The following GRIK4 variants were observed in gnomAD, a reference collection of about 807,000 sequenced individuals.
GRIK4 encodes the protein glutamate receptor ionotropic, kainate 4.
Under a neutral mutation model 104.9 loss-of-function variants are expected in GRIK4, and 40 were observed. The ratio of observed to expected loss-of-function variants is 0.38; its 90% confidence interval spans 0.30 to 0.50. The LOEUF (loss-of-function observed/expected upper bound fraction) is 0.50. Among genes scored for constraint, GRIK4 ranks in the 20% least tolerant of loss-of-function variants. The pLI is 0.93. For missense variants in GRIK4, 1,047 were observed against 1,308.1 expected (o/e 0.80, Z 3.08); for synonymous variants, 485 against 524.9 (o/e 0.92, Z 1.04).
intron 3 of GRIK4, among the ~76,000 whole-genome samples, chr11:120,792,523 G>C (rs527364064): frequency 6.6e-6 from 1 of 152,156 alleles, no homozygotes; most frequent in South Asian, 2.1e-4. Context: ...CCAGATAAGA[G>C]TTAAGAGGTT....
At chr11:120,536,440 C>T (rs1168919140) in intron 1 of GRIK4, among the ~76,000 whole-genome samples, 1 of 152,212 alleles carries the variant, frequency 6.6e-6, no homozygotes, top group Non-Finnish European at 1.5e-5. Context: ...AGCTGTACAT[C>T]GCCCTGGGCT....
chr11:120,623,895 G>T (rs1036153433), intron 1 of GRIK4, among the ~76,000 whole-genome samples: 3 of 151,986 alleles, frequency 2.0e-5, no homozygotes, highest in African/African-American at 7.3e-5. Flanking sequence ...GCCCTCCGTG[G>T]CACCCTGCTT....
At chr11:120,815,868 A>G (rs968084411) in intron 5 of GRIK4, among the ~76,000 whole-genome samples, 5 of 152,198 alleles carry the variant, frequency 3.3e-5, no homozygotes, top group Non-Finnish European at 7.3e-5. Flanking sequence ...ATCTGTTTAC[A>G]TATCGGGATT....
intron 1 of GRIK4, among the ~76,000 whole-genome samples, chr11:120,565,497 G>A (rs772368436): frequency 6.6e-6 from 1 of 152,214 alleles, no homozygotes; most frequent in African/African-American, 2.4e-5. Context: ...TGACAGCCGT[G>A]TGTGTAGTGC....
intron 1 of GRIK4, among the ~76,000 whole-genome samples, chr11:120,623,325 G>A (rs4631889): frequency 0.31 from 47,360 of 151,766 alleles, 8,204 homozygotes; most frequent in Non-Finnish European, 0.4. Flanking sequence ...AGAGTATGGG[G>A]TCTTGTTATG....
At chr11:120,660,118 A>G (rs1351155967) in intron 2 of GRIK4, among the ~76,000 whole-genome samples, 151 bp from the exon 3 acceptor site, 1 of 152,210 alleles carries the variant, frequency 6.6e-6, no homozygotes, top group Non-Finnish European at 1.5e-5. Flanking sequence ...TCGGTCACAG[A>G]GCTGAAGTTA....
chr11:120,743,530 G>A (rs954472017), intron 3 of GRIK4, among the ~76,000 whole-genome samples: 7 of 152,172 alleles, frequency 4.6e-5, no homozygotes, highest in Non-Finnish European at 1.0e-4. Flanking sequence ...TGTTATGTGA[G>A]TTTACTTATG....
chr11:120,520,484 G>A (rs1055661514), intron 1 of GRIK4, among the ~76,000 whole-genome samples: 27 of 152,322 alleles, frequency 1.8e-4, no homozygotes, highest in Admixed American at 5.2e-4. Flanking sequence ...GGAAGGGCCC[G>A]GTGTGGAGGC....
intron 9 of GRIK4, among the ~76,000 whole-genome samples, chr11:120,864,195 GTATTTT>G (rs1295424169): frequency 1.3e-5 from 2 of 149,194 alleles, no homozygotes; most frequent in Admixed American, 1.4e-4. Flanking sequence ...TCTCATTCCA[GTATTTT>G]TATTTTTATT....
chr11:120,589,451 A>AT (rs371260383), intron 1 of GRIK4, among the ~76,000 whole-genome samples: 8 of 152,290 alleles, frequency 5.3e-5, no homozygotes, highest in African/African-American at 1.7e-4. Flanking sequence ...TTGACTGAAG[A>AT]TAAAGCTTGG....
chr11:120,715,379 TG>T (rs1258884005), intron 3 of GRIK4, among the ~76,000 whole-genome samples: 2 of 152,146 alleles, frequency 1.3e-5, no homozygotes, highest in Non-Finnish European at 2.9e-5. Flanking sequence ...CGGAAAGCGG[TG>T]GGTCGTGTCT....
chr11:120,723,572 A>G (rs1950970296), intron 3 of GRIK4, among the ~76,000 whole-genome samples: 2 of 152,322 alleles, frequency 1.3e-5, no homozygotes, highest in South Asian at 4.1e-4. Flanking sequence ...GGTCACACAG[A>G]TGTACCCAGA....
rs565301465 is a variant in GRIK4, at chr11:120,746,401, C to T, written c.83-56292C>T. 9.9e-5 allele frequency among the ~76,000 whole-genome samples: 15 copies of T among 152,188 alleles called. No homozygotes were observed. In the South Asian group the frequency reaches 1.9e-3, roughly 19 times the overall value. On this transcript the variant is annotated intron_variant, in intron 3 of 20. Transcript: ENST00000527524. ...AGCAGCTCTGCTGATTTTTTAGATA[C>T]GGTGTGGGACAGGTAGGTGCCTAGG...
intron 16 of GRIK4, among the ~76,000 whole-genome samples, chr11:120,957,600 T>TGTGTGTGTGTGTGTGTGTGC (rs1259040200): frequency 1.4e-5 from 2 of 146,508 alleles, no homozygotes; most frequent in African/African-American, 2.6e-5. Flanking sequence ...AATGTGTGTG[T>TGTGTGTGTGTGTGTGTGTGC]GTGTGTGTGT....
chr11:120,681,500 C>T (rs1950192950), intron 3 of GRIK4, among the ~76,000 whole-genome samples: 1 of 152,154 alleles, frequency 6.6e-6, no homozygotes, highest in Non-Finnish European at 1.5e-5. Context: ...CTTCATTTTG[C>T]CCCGCTAAGT....
intron 11 of GRIK4, among the ~76,000 whole-genome samples, chr11:120,885,523 T>C (rs1437120316): frequency 6.6e-6 from 1 of 152,100 alleles, no homozygotes; most frequent in African/African-American, 2.4e-5. Flanking sequence ...GTAGCTGAGA[T>C]TACAGGCGCC....
At chr11:120,834,768 A>T (rs933526988) in intron 7 of GRIK4, among the ~76,000 whole-genome samples, 1 of 151,630 alleles carries the variant, frequency 6.6e-6, no homozygotes, top group Non-Finnish European at 1.5e-5. Context: ...CCAGCAACGA[A>T]CTCCATGTTT....
chr11:120,670,317 A>T (rs1050710199), intron 3 of GRIK4, among the ~76,000 whole-genome samples: 1 of 152,256 alleles, frequency 6.6e-6, no homozygotes, highest in Admixed American at 6.5e-5. Flanking sequence ...TTTAAGATGT[A>T]AATTGGATTG....
intron 1 of GRIK4, among the ~76,000 whole-genome samples, chr11:120,539,469 G>A (rs1265663151): frequency 1.3e-5 from 2 of 152,196 alleles, no homozygotes; most frequent in Admixed American, 6.5e-5. Context: ...ATGAAAATAA[G>A]CACTATTTTC....
Sources: gnomAD v4.1 joint callset for allele counts (sites outside exome capture counted in the v4.1 genomes callset) on GRCh38, gnomAD v4.1.1 for gene constraint, MANE v1.5 for transcripts, NCBI Gene and HGNC (gene_info 2026-07-23, HGNC 2026-07-21) for gene names.